ANKS1B: variants seen among roughly 807,000 people sequenced by gnomAD.
The protein encoded by ANKS1B is ankyrin repeat and sterile alpha motif domain containing 1B.
Under a neutral mutation model 148.3 loss-of-function variants are expected in ANKS1B, and 36 were observed. The observed-to-expected ratio is 0.24, with a 90% confidence interval of 0.19 to 0.32. ANKS1B has a LOEUF of 0.32. ANKS1B is among the 10% of genes least tolerant of loss of function. ANKS1B has a pLI of 1.00. For synonymous variants in ANKS1B, 542 were observed against 560.8 expected, an observed-to-expected ratio of 0.97 and a Z score of 0.47; for missense variants, 1,157 against 1,542.6, an observed-to-expected ratio of 0.75 and a Z score of 4.19.
At chr12:99,389,134 A>T (rs1267800214) in intron 12 of ANKS1B, among the ~76,000 whole-genome samples, 2 of 152,202 alleles carry the variant, frequency 1.3e-5, no homozygotes, top group Non-Finnish European at 2.9e-5. Flanking sequence ...AGGTCACTAG[A>T]GTCTAGGAGA....
chr12:99,688,735 G>A (rs1021122402), intron 8 of ANKS1B, among the ~76,000 whole-genome samples: 9 of 152,068 alleles, frequency 5.9e-5, no homozygotes, highest in Admixed American at 1.3e-4. Flanking sequence ...GAACTACTTA[G>A]AAGGCTGAGG....
intron 10 of ANKS1B, among the ~76,000 whole-genome samples, chr12:99,472,704 T>G (rs2096261499): frequency 6.6e-6 from 1 of 152,186 alleles, no homozygotes; most frequent in African/African-American, 2.4e-5. Flanking sequence ...TTCCAGAGAC[T>G]AATAAATCAC....
chr12:99,829,583 G>A lies in ANKS1B; in HGVS notation c.135-4194C>T, dbSNP rs143850687. 1.7e-3 allele frequency among the ~76,000 whole-genome samples: 251 copies of A among 151,898 alleles called. 7 individuals are homozygous for A. In the East Asian group the frequency reaches 0.041, roughly 25 times the overall value. Reference sequence around the variant, plus strand: ...GGAGAATGGTGTGAACCTGGGAGGCGGAGCTTGCAGTAAGCCGAGATCGCA... The same window carrying A: ...GGAGAATGGTGTGAACCTGGGAGGCAGAGCTTGCAGTAAGCCGAGATCGCA... On this transcript the variant is annotated intron_variant, in intron 1 of 26. Coordinates refer to ENST00000683438, the MANE Select transcript of ANKS1B (RefSeq NM_001352186.2).
At chr12:99,636,763 A>C (rs2098241320) in intron 9 of ANKS1B, among the ~76,000 whole-genome samples, 1 of 152,232 alleles carries the variant, frequency 6.6e-6, no homozygotes, top group Non-Finnish European at 1.5e-5. Flanking sequence ...TCCATGAATG[A>C]GAAGAACCAT....
intron 8 of ANKS1B, 158 bp downstream of exon 8, chr12:99,772,764 G>T: frequency 3.1e-6 from 2 of 653,740 alleles, no homozygotes; most frequent in Non-Finnish European, 4.8e-6. Context: ...CATGCACTGC[G>T]AGTAAAACCC....
chr12:99,559,886 A>G (rs1164072155), intron 9 of ANKS1B, among the ~76,000 whole-genome samples: 1 of 152,216 alleles, frequency 6.6e-6, no homozygotes, highest in Non-Finnish European at 1.5e-5. Flanking sequence ...AAAAATGCAT[A>G]AGAAAAAAAT....
At chr12:99,329,367 A>G (rs1413529875) in intron 12 of ANKS1B, among the ~76,000 whole-genome samples, 1 of 151,916 alleles carries the variant, frequency 6.6e-6, no homozygotes, top group East Asian at 1.9e-4. Flanking sequence ...CATTTTGATT[A>G]TGATTTTTCA....
chr12:99,831,737 T>C (rs1027470230), intron 1 of ANKS1B, among the ~76,000 whole-genome samples: 15 of 151,984 alleles, frequency 9.9e-5, no homozygotes, highest in Admixed American at 7.9e-4. Context: ...TTTTAGCTTA[T>C]GTGAACCTCC....
At chr12:99,960,600 T>G (rs1460491326) in intron 1 of ANKS1B, among the ~76,000 whole-genome samples, 1 of 151,918 alleles carries the variant, frequency 6.6e-6, no homozygotes, top group African/African-American at 2.4e-5. Context: ...AGAGGGGAAA[T>G]AAGAAAACCC....
At chr12:99,621,272 C>T (rs1230045187) in intron 9 of ANKS1B, among the ~76,000 whole-genome samples, 3 of 151,958 alleles carry the variant, frequency 2.0e-5, no homozygotes, top group Middle Eastern at 3.2e-3. Flanking sequence ...AATGAAAGAA[C>T]AATACCTGCT....
intron 14 of ANKS1B, among the ~76,000 whole-genome samples, chr12:99,182,647 A>G (rs2079260119): frequency 6.6e-6 from 1 of 152,078 alleles, no homozygotes; most frequent in Non-Finnish European, 1.5e-5. Flanking sequence ...TCTTCAATAT[A>G]TTGATTTCCT....
In ANKS1B at chr12:98,801,298, TCTCAAGG is replaced by T. The variant is rs1218785031; in HGVS notation, c.3142-180_3142-174del. On this transcript the variant is annotated intron_variant, in intron 20 of 26. Coordinates refer to ENST00000683438, the MANE Select transcript of ANKS1B (RefSeq NM_001352186.2). This position sits in a 1 kb window ranked among gnomAD's most constrained non-coding sequence, Gnocchi z 5.2. ...ACATTTTTATATGTATTAGCATATCTCTCAAGGCTGAGTTAATTTTTGAGGTGTGGAG... is the reference window on the plus strand; with the variant it reads ...ACATTTTTATATGTATTAGCATATCTCTGAGTTAATTTTTGAGGTGTGGAG... Among the ~76,000 whole-genome samples, 1 of 152,230 alleles carries T rather than the reference TCTCAAGG, an allele frequency of 6.6e-6. No individual in the cohort carries two copies. The highest frequency in any genetic ancestry group is 1.5e-5 in the Non-Finnish European group (1 of 68,040).
chr12:99,157,966 T>C lies in ANKS1B; in HGVS notation c.2420-3571A>G, dbSNP rs189255140. On this transcript the variant is annotated intron_variant, in intron 14 of 26. Transcript: ENST00000683438. ...TGCCTGAATTTTATTCTTTTAGGTA[T>C]TCAATCCTTCAATTTTTATTCAATA... 1.4e-3 allele frequency among the ~76,000 whole-genome samples: 214 copies of C among 152,292 alleles called. 2 individuals are homozygous for C. Among genetic ancestry groups the C allele is most frequent in the African/African-American group, 5.0e-3 (208 of 41,556 alleles).
At chr12:99,210,866 T>C (rs1221300284) in intron 14 of ANKS1B, among the ~76,000 whole-genome samples, 1 of 152,240 alleles carries the variant, frequency 6.6e-6, no homozygotes, top group African/African-American at 2.4e-5. Flanking sequence ...TTTGTGAGGA[T>C]AATAGCAGTC....
At chr12:99,137,649 CTCTTT>C (rs1198454844) in intron 15 of ANKS1B, among the ~76,000 whole-genome samples, 2 of 152,072 alleles carry the variant, frequency 1.3e-5, no homozygotes, top group African/African-American at 4.8e-5. Context: ...TATGTATTTC[CTCTTT>C]TCATTTTTTT....
chr12:99,423,287 T>A (rs948278149), intron 11 of ANKS1B, among the ~76,000 whole-genome samples: 1 of 152,004 alleles, frequency 6.6e-6, no homozygotes, highest in Admixed American at 6.6e-5. Context: ...CAATGAGATA[T>A]CACCTCACAC....
At chr12:98,912,651 TTGTC>T (rs2099788372) in intron 17 of ANKS1B, among the ~76,000 whole-genome samples, 1 of 152,212 alleles carries the variant, frequency 6.6e-6, no homozygotes, top group Non-Finnish European at 1.5e-5. Flanking sequence ...TAATAAATAT[TTGTC>T]TGTTTGATGG....
chr12:99,575,524 C>T (rs2097508345), intron 9 of ANKS1B, among the ~76,000 whole-genome samples: 1 of 151,974 alleles, frequency 6.6e-6, no homozygotes, highest in South Asian at 2.1e-4. Flanking sequence ...GCTGGGGAGG[C>T]CTCACAATTA....
intron 1 of ANKS1B, among the ~76,000 whole-genome samples, chr12:99,891,015 A>C (rs1159433620): frequency 6.6e-6 from 1 of 152,238 alleles, no homozygotes; most frequent in African/African-American, 2.4e-5. Flanking sequence ...TTTTATGGAC[A>C]TTACACTTAA....
Sources: gnomAD v4.1 joint callset for allele counts (sites outside exome capture counted in the v4.1 genomes callset) on GRCh38, gnomAD v4.1.1 for gene constraint, Gnocchi (gnomAD v3.1) non-coding constraint, MANE v1.5 for transcripts, NCBI Gene and HGNC (gene_info 2026-07-23, HGNC 2026-07-21) for gene names.